Variants in SPOCK1 observed in about 807,000 individuals in gnomAD.
The protein encoded by SPOCK1 is SPARC (osteonectin), cwcv and kazal like domains proteoglycan 1.
In SPOCK1, 23 loss-of-function variants were observed where a neutral mutation model predicts 55.3. The observed-to-expected ratio is 0.42, with a 90% CI of 0.30 to 0.59. The LOEUF is 0.59. Ranked by LOEUF, SPOCK1 falls within the 20% of genes least tolerant of loss-of-function variation. The pLI is 0.22. For synonymous variants in SPOCK1, 226 were observed against 221.0 expected (o/e 1.02, Z -0.20); for missense variants, 499 against 552.5 (o/e 0.90, Z 0.97).
intron 3 of SPOCK1, among the ~76,000 whole-genome samples, chr5:137,239,141 G>C (rs900713591): frequency 8.5e-5 from 13 of 152,176 alleles, no homozygotes; most frequent in Non-Finnish European, 1.5e-5. Context: ...AGAGGGGCTA[G>C]AGATTGACCT....
In SPOCK1 at chr5:137,094,510, T is replaced by A. The variant is rs1303200394; in HGVS notation, c.474+17925A>T. Among the ~76,000 whole-genome samples the A allele has an allele frequency of 2.6e-5, 4 of 152,226 alleles. No homozygotes were observed. The South Asian group carries it at 6.2e-4, about 24-fold the overall frequency. ...GTTATGTTTATACTATAGTATAGTC[T>A]ATTAAGGATGCAATAGCACTAGGTC... On this transcript the variant is annotated intron_variant, in intron 5 of 10. Coordinates refer to ENST00000394945, the MANE Select transcript of SPOCK1 (RefSeq NM_004598.4).
chr5:137,156,583 C>A lies in SPOCK1; in HGVS notation c.233-15889G>T, dbSNP rs1754422056. On this transcript the variant is annotated intron_variant, in intron 3 of 10. Coordinates refer to ENST00000394945, the MANE Select transcript of SPOCK1 (RefSeq NM_004598.4). ...TTTCGCTGAGCACCTACTACTACAT[C>A]ATTTGGGGTGGTGAATATACATGTT... Among the ~76,000 whole-genome samples, 3 of 152,144 alleles carry A rather than the reference C, an allele frequency of 2.0e-5. No homozygotes were observed. In the South Asian group the frequency reaches 6.2e-4, roughly 32 times the overall value.
At chr5:137,100,735 C>G (rs1753245117) in intron 5 of SPOCK1, among the ~76,000 whole-genome samples, 1 of 152,194 alleles carries the variant, frequency 6.6e-6, no homozygotes, top group African/African-American at 2.4e-5. Context: ...TTTCCTGCTA[C>G]TGGAGGTTTG....
rs556019335 is a variant in SPOCK1 at position 137,004,662 on chromosome 5, C to T, written c.590-12062G>A. 7.2e-5 allele frequency among the ~76,000 whole-genome samples: 11 copies of T among 152,220 alleles called. No individual in the cohort carries two copies. The South Asian group carries it at 1.5e-3, about 20-fold the overall frequency. On this transcript the variant is annotated intron_variant, in intron 6 of 10. Coordinates refer to ENST00000394945, the MANE Select transcript of SPOCK1 (RefSeq NM_004598.4). ...CATAGCTAGTAATTTCTCTCTTCCCCTCCTGAATGTCATATATAAACAACA... is the reference window on the plus strand; with the variant it reads ...CATAGCTAGTAATTTCTCTCTTCCCTTCCTGAATGTCATATATAAACAACA...
chr5:136,991,493 G>A (rs1254839554), intron 7 of SPOCK1, among the ~76,000 whole-genome samples: 2 of 151,990 alleles, frequency 1.3e-5, no homozygotes, highest in East Asian at 1.9e-4. Context: ...AGTCAAACTC[G>A]GGATCTCAAC....
intron 2 of SPOCK1, among the ~76,000 whole-genome samples, chr5:137,349,297 A>G (rs1407968073): frequency 6.6e-6 from 1 of 152,222 alleles, no homozygotes; most frequent in Non-Finnish European, 1.5e-5. Flanking sequence ...GGTAGTAACT[A>G]TAATTGCCAA....
chr5:137,498,027 C>A (rs1754335605), intron 2 of SPOCK1, among the ~76,000 whole-genome samples: 1 of 152,124 alleles, frequency 6.6e-6, no homozygotes, highest in Non-Finnish European at 1.5e-5. Flanking sequence ...TCTACCATCA[C>A]GGTTAGGAGA....
At chr5:137,100,721 G>T (rs1753244708) in intron 5 of SPOCK1, among the ~76,000 whole-genome samples, 1 of 152,054 alleles carries the variant, frequency 6.6e-6, no homozygotes, top group South Asian at 2.1e-4. Flanking sequence ...TTGGACACAG[G>T]GCCTTTCCTG....
intron 2 of SPOCK1, among the ~76,000 whole-genome samples, chr5:137,285,671 C>T (rs1053972091): frequency 6.6e-6 from 1 of 152,210 alleles, no homozygotes; most frequent in Non-Finnish European, 1.5e-5. Flanking sequence ...AAACATGGAG[C>T]TGCCATGGCA....
chr5:136,995,137 G>A (rs188507321), intron 6 of SPOCK1, among the ~76,000 whole-genome samples: 13 of 152,330 alleles, frequency 8.5e-5, no homozygotes, highest in East Asian at 1.9e-4. Context: ...GCAGGGTGTC[G>A]TGCTGGGCAG....
At chr5:137,436,942 T>C (rs1279337224) in intron 2 of SPOCK1, among the ~76,000 whole-genome samples, 1 of 152,150 alleles carries the variant, frequency 6.6e-6, no homozygotes, top group Non-Finnish European at 1.5e-5. Context: ...TGTGCCTGTC[T>C]CTCTTTAGGG....
chr5:137,188,951 G>A (rs1300346482), intron 3 of SPOCK1, among the ~76,000 whole-genome samples: 2 of 152,246 alleles, frequency 1.3e-5, no homozygotes, highest in East Asian at 3.8e-4. Flanking sequence ...GCTCTAGATA[G>A]AAAATCAAAC....
At chr5:137,357,148 A>C (rs1235902855) in intron 2 of SPOCK1, among the ~76,000 whole-genome samples, 1 of 151,968 alleles carries the variant, frequency 6.6e-6, no homozygotes, top group African/African-American at 2.4e-5. Context: ...AGGGTATCAG[A>C]GCTTACAACA....
intron 2 of SPOCK1, among the ~76,000 whole-genome samples, chr5:137,490,080 C>T (rs529859786): frequency 2.1e-4 from 32 of 152,316 alleles, no homozygotes; most frequent in African/African-American, 7.5e-4. Flanking sequence ...CTTCTTCACC[C>T]GACACCTAGC....
intron 2 of SPOCK1, among the ~76,000 whole-genome samples, chr5:137,280,609 A>G (rs899882545): frequency 6.6e-6 from 1 of 152,232 alleles, no homozygotes; most frequent in Non-Finnish European, 1.5e-5. Flanking sequence ...CCTGTTAAAT[A>G]ACTTATGAAT....
chr5:137,125,490 G>C (rs79075863), intron 4 of SPOCK1, among the ~76,000 whole-genome samples: 1,766 of 152,188 alleles, frequency 0.012, 37 homozygotes, highest in African/African-American at 0.04. Flanking sequence ...GGGGTAATTA[G>C]GTCATTAACT....
chr5:137,476,601 G>T (rs530683537), intron 2 of SPOCK1, among the ~76,000 whole-genome samples: 3 of 152,166 alleles, frequency 2.0e-5, no homozygotes, highest in Non-Finnish European at 4.4e-5. Flanking sequence ...GGGCAGGGCA[G>T]GTGTGCAGCT....
intron 2 of SPOCK1, among the ~76,000 whole-genome samples, chr5:137,326,424 C>T (rs1257669813): frequency 3.3e-5 from 5 of 152,182 alleles, no homozygotes; most frequent in African/African-American, 1.2e-4. Flanking sequence ...CTCCCTAGTC[C>T]AGGGGCACAG....
intron 2 of SPOCK1, among the ~76,000 whole-genome samples, chr5:137,473,360 G>A (rs1753775292): frequency 6.6e-6 from 1 of 152,176 alleles, no homozygotes; most frequent in Non-Finnish European, 1.5e-5. Flanking sequence ...AGGTACGCAA[G>A]TAAACATGTA....
Sources: gnomAD v4.1 joint callset for allele counts (sites outside exome capture counted in the v4.1 genomes callset) on GRCh38, gnomAD v4.1.1 for gene constraint, MANE v1.5 for transcripts, NCBI Gene and HGNC (gene_info 2026-07-23, HGNC 2026-07-21) for gene names.